Variants in DDAH1 observed in about 807,000 individuals in gnomAD.
DDAH1 encodes the protein N(G),N(G)-dimethylarginine dimethylaminohydrolase 1.
A neutral mutation model predicts 28.8 loss-of-function variants in DDAH1; 19 were observed. The ratio of observed to expected loss-of-function variants is 0.66; its 90% confidence interval spans 0.46 to 0.97. The LOEUF is 0.97. Among genes scored for constraint, DDAH1 ranks in the 50% least tolerant of loss-of-function variants. The probability of loss-of-function intolerance (pLI) is 0.00; values close to 1 mark genes in which losing one functional copy is unlikely to be tolerated. For missense variants in DDAH1, 326 were observed against 375.9 expected, an observed-to-expected ratio of 0.87 and a Z score of 1.10; for synonymous variants, 153 against 154.4, an observed-to-expected ratio of 0.99 and a Z score of 0.07.
At chr1:85,428,160 A>G (rs1248924518) in intron 1 of DDAH1, among the ~76,000 whole-genome samples, 2 of 152,206 alleles carry the variant, frequency 1.3e-5, no homozygotes, top group Non-Finnish European at 2.9e-5. Flanking sequence ...TCTCAGAACC[A>G]AGACTCAGAA....
chr1:85,473,296 C>G (rs910078839), intron 2 of DDAH1, among the ~76,000 whole-genome samples: 6 of 152,002 alleles, frequency 3.9e-5, no homozygotes, highest in Non-Finnish European at 7.4e-5. Context: ...GCTATTTTTT[C>G]AGTTTTTCAG....
At chr1:85,408,056 T>C (rs1652488530) in intron 1 of DDAH1, among the ~76,000 whole-genome samples, 1 of 152,212 alleles carries the variant, frequency 6.6e-6, no homozygotes, top group Non-Finnish European at 1.5e-5. Context: ...TAGTTTAAAA[T>C]TGAGTATTAG....
At chr1:85,435,776 A>G (rs1653904071) in intron 1 of DDAH1, among the ~76,000 whole-genome samples, 1 of 152,188 alleles carries the variant, frequency 6.6e-6, no homozygotes, top group East Asian at 1.9e-4. Flanking sequence ...TGGACCACTT[A>G]TATCTTTTTT....
At chr1:85,491,439 G>A (rs914232997) in intron 2 of DDAH1, among the ~76,000 whole-genome samples, 1 of 152,170 alleles carries the variant, frequency 6.6e-6, no homozygotes, top group Non-Finnish European at 1.5e-5. Flanking sequence ...TTTCTTTGCT[G>A]GTAGAACTGC....
chr1:85,475,376 T>A (rs1655761544), intron 2 of DDAH1, among the ~76,000 whole-genome samples: 1 of 152,132 alleles, frequency 6.6e-6, no homozygotes, highest in African/African-American at 2.4e-5. Context: ...AGCATAGCAA[T>A]AGTTGACTTT....
intron 1 of DDAH1, among the ~76,000 whole-genome samples, chr1:85,519,324 C>G (rs1657590125): frequency 6.6e-6 from 1 of 152,066 alleles, no homozygotes; most frequent in Non-Finnish European, 1.5e-5. Flanking sequence ...TCTCGATATC[C>G]TGACCTCGTG....
At chr1:85,373,557 TC>T (rs1355433641) in intron 1 of DDAH1, among the ~76,000 whole-genome samples, 21 of 152,256 alleles carry the variant, frequency 1.4e-4, no homozygotes, top group African/African-American at 4.6e-4. Context: ...TCTCTCTCTT[TC>T]CTGTTACCTT....
Position 85,493,228 on chromosome 1 carries a change from C to T in DDAH1, c.-7+2938G>A, listed in dbSNP as rs968028926. ...CTAAAAGTATTGTGGGCCCCAGGTG[C>T]TATGCCTACCTTGCTTAGGGATAAG... On this transcript the variant is annotated intron_variant, in intron 2 of 6. Transcript: ENST00000426972. 1.1e-3 allele frequency among the ~76,000 whole-genome samples: 167 copies of T among 152,150 alleles called. 5 individuals carry two copies. Among genetic ancestry groups the T allele is most frequent in the Non-Finnish European group, 3.8e-4 (26 of 68,008 alleles).
chr1:85,409,866 A>T (rs1033368133), intron 1 of DDAH1, among the ~76,000 whole-genome samples: 1 of 152,196 alleles, frequency 6.6e-6, no homozygotes, highest in Non-Finnish European at 1.5e-5. Flanking sequence ...ATCAGTCATA[A>T]CTCATTGCTA....
intron 1 of DDAH1, among the ~76,000 whole-genome samples, chr1:85,424,349 CTTTTT>C (rs1383513323): frequency 3.3e-5 from 5 of 152,000 alleles, no homozygotes; most frequent in South Asian, 4.1e-4. Context: ...GTATTCTTCT[CTTTTT>C]AAGTTATTAA....
At chr1:85,368,209 C>G (rs1192340310) in intron 1 of DDAH1, among the ~76,000 whole-genome samples, 2 of 152,166 alleles carry the variant, frequency 1.3e-5, no homozygotes, top group African/African-American at 4.8e-5. Flanking sequence ...TGTTGCAGCT[C>G]TGTATATCAG....
At chr1:85,428,301 A>G (rs1653505632) in intron 1 of DDAH1, among the ~76,000 whole-genome samples, 1 of 152,212 alleles carries the variant, frequency 6.6e-6, no homozygotes, top group Admixed American at 6.5e-5. Context: ...ACAGTTCCAC[A>G]TGGCTGGGGA....
chr1:85,369,430 C>A (rs1384492301), intron 1 of DDAH1, among the ~76,000 whole-genome samples: 3 of 152,222 alleles, frequency 2.0e-5, no homozygotes, highest in East Asian at 3.9e-4. Context: ...CAGGGCATAG[C>A]CACGGCAAGA....
Position 85,358,790 on chromosome 1 carries a change from C to G in DDAH1, c.361G>C (p.Asp121His). The G allele has an allele frequency of 6.2e-7, 1 of 1,612,868 alleles. No homozygotes were observed. Among genetic ancestry groups the G allele is most frequent in the East Asian group, 2.2e-5 (1 of 44,846 alleles). The stretch of plus-strand genomic sequence containing the variant: ...CCGCCATCTAAAGTTGCATTTTCAT[C>G]TTTCATCTCTACTATATTGAGCTGA... ...KLQLNIVEMKDENATLDGGDV... is the reference protein window; with the variant it reads ...KLQLNIVEMKHENATLDGGDV... Residue 121 changes from aspartate to histidine, a missense_variant, in exon 2 of 6, where the codon GAT becomes CAT. Asp to His is a moderately conservative substitution (Grantham distance 81). Coordinates refer to ENST00000284031, the MANE Select transcript of DDAH1 (RefSeq NM_012137.4).
At chr1:85,509,190 C>T (rs1285949047) in intron 1 of DDAH1, among the ~76,000 whole-genome samples, 1 of 152,216 alleles carries the variant, frequency 6.6e-6, no homozygotes, top group African/African-American at 2.4e-5. Context: ...GCTGGTGATA[C>T]CCAGGCAAAG....
intron 1 of DDAH1, among the ~76,000 whole-genome samples, chr1:85,459,631 G>A (rs1490761683): frequency 6.6e-6 from 1 of 152,188 alleles, no homozygotes. Context: ...CTTGGTGTCA[G>A]AATAATTTCT....
chr1:85,519,133 G>A lies in DDAH1; in HGVS notation c.-122-22852C>T, dbSNP rs537130465. 9.6e-5 allele frequency among the ~76,000 whole-genome samples: 11 copies of A among 114,854 alleles called. No homozygotes were observed. The South Asian group carries it at 3.2e-3, about 34-fold the overall frequency. The allele number at this position is 114,854 out of a possible 152,430, so 75.3% of individuals were successfully genotyped here. A position where few individuals can be genotyped will look rare whatever the true frequency, so the allele number is the denominator to read the frequency against. On this transcript the variant is annotated intron_variant, in intron 1 of 6. Transcript: ENST00000426972. ...TTTTGAGACGGAGTCTTGCTCTGTC[G>A]CCCAGGCTGGAGTGCAGTGGCATGA...
chr1:85,552,563 A>G (rs1363168243), intron 1 of DDAH1, among the ~76,000 whole-genome samples: 2 of 152,126 alleles, frequency 1.3e-5, no homozygotes, highest in Non-Finnish European at 2.9e-5. Context: ...CATCATCATT[A>G]TATCTTCCTC....
intron 2 of DDAH1, among the ~76,000 whole-genome samples, chr1:85,474,571 C>T (rs964493852): frequency 6.6e-6 from 1 of 152,144 alleles, no homozygotes; most frequent in Non-Finnish European, 1.5e-5. Flanking sequence ...GAAGACTTCC[C>T]TGGGTCCCCA....
Sources: allele counts gnomAD v4.1 joint callset (sites outside exome capture counted in the v4.1 genomes callset), GRCh38; gene constraint gnomAD v4.1.1; transcripts MANE v1.5; gene names NCBI Gene and HGNC (gene_info 2026-07-23, HGNC 2026-07-21).